Variants in ROCK2 observed in about 807,000 individuals in gnomAD.
ROCK2 encodes Rho associated coiled-coil containing protein kinase 2.
In ROCK2, 61 loss-of-function variants were observed where a neutral mutation model predicts 195.1. The observed-to-expected ratio is 0.31, with a 90% CI of 0.25 to 0.39. ROCK2 has a LOEUF of 0.39. Among genes scored for constraint, ROCK2 ranks in the 10% least tolerant of loss-of-function variants. The pLI is 1.00. For synonymous variants in ROCK2, 504 were observed against 545.5 expected, an observed-to-expected ratio of 0.92 and a Z score of 1.06; for missense variants, 1,109 against 1,637.4, an observed-to-expected ratio of 0.68 and a Z score of 5.57.
At chr2:11,256,441 G>A (rs1666038078) in intron 3 of ROCK2, among the ~76,000 whole-genome samples, 1 of 151,350 alleles carries the variant, frequency 6.6e-6, no homozygotes, top group African/African-American at 2.5e-5. Context: ...AATTTCCTGA[G>A]GCCTGCCCAG....
At chr2:11,224,584 GCA>G in intron 6 of ROCK2, 124 bp from the exon 7 acceptor site, 1 of 801,892 alleles carries the variant, frequency 1.2e-6, no homozygotes, top group South Asian at 1.6e-5. Context: ...TATTCTACGG[GCA>G]CAGAGTCCCA....
chr2:11,271,390 A>G (rs1014273628), intron 3 of ROCK2, among the ~76,000 whole-genome samples: 2 of 152,094 alleles, frequency 1.3e-5, no homozygotes, highest in South Asian at 4.2e-4. Flanking sequence ...GCCCCCAGCA[A>G]TTTGTCAGTT....
chr2:11,240,438 A>G (rs1665382152), intron 4 of ROCK2, among the ~76,000 whole-genome samples: 1 of 152,238 alleles, frequency 6.6e-6, no homozygotes, highest in Non-Finnish European at 1.5e-5. Context: ...CAGCACTAAA[A>G]AGGGATGAAG....
chr2:11,235,644 TATTTC>T lies in ROCK2; in HGVS notation c.723+53_723+57del. 1 of 1,512,644 alleles carries T rather than the reference TATTTC, an allele frequency of 6.6e-7. No individual in the cohort carries two copies. Among genetic ancestry groups the T allele is most frequent in the Non-Finnish European group, 8.9e-7 (1 of 1,120,748 alleles). 93.7% of individuals were successfully genotyped at this position (1,512,644 alleles called of 1,614,324 possible). On this transcript the variant is annotated intron_variant, in intron 5 of 32. Coordinates refer to ENST00000315872, the MANE Select transcript of ROCK2 (RefSeq NM_004850.5). This position sits in a 1 kb window ranked among gnomAD's most constrained non-coding sequence, Gnocchi z 4.2. ...AAAACTATGAAGACCTGACTTAAAGTATTTCATTTATTTCTGTCCCTCAAAACACT... is the reference window on the plus strand; with the variant it reads ...AAAACTATGAAGACCTGACTTAAAGTATTTATTTCTGTCCCTCAAAACACT...
chr2:11,265,339 T>C (rs138491559), intron 3 of ROCK2, among the ~76,000 whole-genome samples: 2 of 152,318 alleles, frequency 1.3e-5, no homozygotes, highest in East Asian at 3.9e-4. Flanking sequence ...ATTCTAACAC[T>C]ACAGGTGAAT....
Position 11,200,971 on chromosome 2 carries a change from C to T in ROCK2, c.2896G>A (p.Ala966Thr). The change falls in exon 23 of 33, where the codon GCT becomes ACT. Residue 966 changes from alanine to threonine, a missense_variant. Coordinates refer to ENST00000315872, the MANE Select transcript of ROCK2 (RefSeq NM_004850.5). ...RHKQELTEKD[A>T]TIASLEETNR... ...ATTTGACTTACAGAAGCAATTGTAG[C>T]ATCTTTTTCCGTAAGTTCCTGTTTG... is the stretch of plus-strand genomic sequence containing the variant. 1 of 1,595,072 alleles carries T rather than the reference C, an allele frequency of 6.3e-7. No homozygotes were observed. The highest frequency in any genetic ancestry group is 8.5e-7 in the Non-Finnish European group (1 of 1,173,968).
Position 11,344,331 on chromosome 2 carries a change from GGCCCAGCCCGGCCC to G in ROCK2, c.-209_-196del. The stretch of plus-strand genomic sequence containing the variant: ...CCCAGGGGCCCGCCCGGCCCAGCCC[GGCCCAGCCCGGCCC>G]GGCCCTGCCGGGAGCGGCGGGGAAC... On this transcript the variant is annotated 5_prime_UTR_variant, in exon 1 of 33. Transcript: ENST00000315872. This position sits in a 1 kb window ranked among gnomAD's most constrained non-coding sequence, Gnocchi z 5.4. 9.9e-7 allele frequency: 1 copy of G among 1,014,632 alleles called. No homozygotes were observed. The highest frequency in any genetic ancestry group is 1.2e-6 in the Non-Finnish European group (1 of 814,818). The allele number at this position is 1,014,632 out of a possible 1,614,324, so 62.9% of individuals were successfully genotyped here. A position where few individuals can be genotyped will look rare whatever the true frequency, so the allele number is the denominator to read the frequency against.
chr2:11,329,712 A>AT (rs397814192), intron 1 of ROCK2, among the ~76,000 whole-genome samples: 6,407 of 151,780 alleles, frequency 0.042, 273 homozygotes, highest in Non-Finnish European at 0.06. Flanking sequence ...AAAAAAAAAA[A>AT]TTGCTTGCAG....
At position 11,227,220 on chromosome 2, in the gene ROCK2, C is replaced by G. The variant is rs751548782; in HGVS notation, c.868+34G>C. 27 of 1,562,078 alleles carry G rather than the reference C, an allele frequency of 1.7e-5. No individual in the cohort carries two copies. The South Asian group carries it at 2.4e-4, about 14-fold the overall frequency. On this transcript the variant is annotated intron_variant, in intron 6 of 32. Transcript: ENST00000315872. Reference sequence around the variant, plus strand: ...GACTGAAATAAAGTATTATAAGAAGCATTTTGAAAAAAGAAGTTAAAATAT... The same window carrying G: ...GACTGAAATAAAGTATTATAAGAAGGATTTTGAAAAAAGAAGTTAAAATAT...
intron 32 of ROCK2, among the ~76,000 whole-genome samples, chr2:11,190,462 T>A (rs532489897): frequency 6.6e-6 from 1 of 152,204 alleles, no homozygotes; most frequent in South Asian, 2.1e-4. Context: ...TATTTGTAAG[T>A]CAGTGTACAT....
chr2:11,263,877 A>C (rs1303821780), intron 3 of ROCK2, among the ~76,000 whole-genome samples: 1 of 151,940 alleles, frequency 6.6e-6, no homozygotes, highest in Non-Finnish European at 1.5e-5. Flanking sequence ...AATATATTTT[A>C]TAAGGTCACC....
intron 1 of ROCK2, among the ~76,000 whole-genome samples, chr2:11,298,655 C>A (rs1342488765): frequency 2.6e-5 from 4 of 152,172 alleles, no homozygotes; most frequent in African/African-American, 9.6e-5. Context: ...CTTTTTATTA[C>A]AGAGACTTAT....
chr2:11,208,552 A>G, intron 18 of ROCK2, 105 bp from the exon 19 acceptor site: 1 of 498,910 alleles, frequency 2.0e-6, no homozygotes, highest in East Asian at 3.4e-5. Flanking sequence ...AATAAAAATT[A>G]TAATAAATGA....
chr2:11,204,438 T>G (rs1663976002), intron 20 of ROCK2, among the ~76,000 whole-genome samples: 1 of 152,170 alleles, frequency 6.6e-6, no homozygotes, highest in Non-Finnish European at 1.5e-5. Flanking sequence ...CTTTTTTCAT[T>G]TATATGCTGA....
chr2:11,191,438 T>G (rs1370315988), intron 32 of ROCK2, among the ~76,000 whole-genome samples: 1 of 152,232 alleles, frequency 6.6e-6, no homozygotes, highest in Non-Finnish European at 1.5e-5. Flanking sequence ...TTTGCATTTT[T>G]AAAGCTGGTC....
chr2:11,283,606 AG>A (rs1667092006), intron 3 of ROCK2, among the ~76,000 whole-genome samples: 2 of 131,282 alleles, frequency 1.5e-5, no homozygotes, highest in Non-Finnish European at 3.4e-5. Context: ...AAAGAAAAAA[AG>A]GAAAAGATAT....
At chr2:11,330,994 A>T (rs1403565941) in intron 1 of ROCK2, among the ~76,000 whole-genome samples, 2 of 9,704 alleles carry the variant, frequency 2.1e-4, no homozygotes, top group Non-Finnish European at 3.9e-4. Context: ...AGGAAAGAGG[A>T]GGAGGGAGGA....
chr2:11,267,153 A>G (rs546534726), intron 3 of ROCK2, among the ~76,000 whole-genome samples: 1 of 152,356 alleles, frequency 6.6e-6, no homozygotes, highest in Non-Finnish European at 1.5e-5. Context: ...AGGTATGCAG[A>G]AACAATGCAT....
At chr2:11,244,318 A>G (rs1665537403) in intron 4 of ROCK2, among the ~76,000 whole-genome samples, 1 of 152,146 alleles carries the variant, frequency 6.6e-6, no homozygotes, top group Non-Finnish European at 1.5e-5. Flanking sequence ...TTACCAAAAA[A>G]TGTTTGCAAT....
Sources: gnomAD v4.1 joint callset for allele counts (sites outside exome capture counted in the v4.1 genomes callset) on GRCh38, gnomAD v4.1.1 for gene constraint, Gnocchi (gnomAD v3.1) non-coding constraint, MANE v1.5 for transcripts, NCBI Gene and HGNC (gene_info 2026-07-23, HGNC 2026-07-21) for gene names.